Variants in ADAM12 observed in about 807,000 individuals in gnomAD.
ADAM12 encodes ADAM metallopeptidase domain 12, also known as disintegrin and metalloproteinase domain-containing protein 12.
ADAM12 carries 70 observed loss-of-function variants against 106.4 expected under a neutral mutation model. The ratio of observed to expected loss-of-function variants is 0.66; its 90% confidence interval spans 0.54 to 0.80. The LOEUF (loss-of-function observed/expected upper bound fraction) is 0.80, where lower values mean the gene tolerates loss of function less well. ADAM12 is among the 30% of genes least tolerant of loss of function. The pLI is 0.00. For synonymous variants in ADAM12, 420 were observed against 433.5 expected (o/e 0.97, Z 0.39); for missense variants, 1,010 against 1,171.9 (o/e 0.86, Z 2.02).
chr10:126,089,857 C>T (rs533601427), intron 11 of ADAM12, among the ~76,000 whole-genome samples: 6 of 152,172 alleles, frequency 3.9e-5, no homozygotes, highest in Non-Finnish European at 7.4e-5. Flanking sequence ...CCCAAACCCC[C>T]ACTTAAAGTG....
chr10:126,238,201 C>A (rs1047593922), intron 3 of ADAM12, among the ~76,000 whole-genome samples: 2 of 152,278 alleles, frequency 1.3e-5, no homozygotes, highest in East Asian at 3.9e-4. Flanking sequence ...AAATCCTGGC[C>A]GGGCAGGGTG....
At chr10:126,283,909 T>C (rs745828140) in intron 2 of ADAM12, among the ~76,000 whole-genome samples, 1 of 152,218 alleles carries the variant, frequency 6.6e-6, no homozygotes, top group Non-Finnish European at 1.5e-5. Flanking sequence ...CTTCTAAATG[T>C]TTCATAATTT....
At chr10:126,247,096 G>T (rs1212613458) in intron 3 of ADAM12, among the ~76,000 whole-genome samples, 1 of 152,128 alleles carries the variant, frequency 6.6e-6, no homozygotes, top group African/African-American at 2.4e-5. Flanking sequence ...ATTACTTCTT[G>T]TTGGAAAATA....
intron 16 of ADAM12, among the ~76,000 whole-genome samples, chr10:126,046,801 CAAAAAAAA>C (rs60056450): frequency 9.2e-4 from 46 of 49,904 alleles, no homozygotes; most frequent in Middle Eastern, 0.01. Flanking sequence ...GATTCCGTCT[CAAAAAAAA>C]AAAAAAAAAA....
chr10:126,221,389 CAAA>C (rs35766891), intron 3 of ADAM12, among the ~76,000 whole-genome samples: 230 of 100,670 alleles, frequency 2.3e-3, no homozygotes, highest in East Asian at 9.4e-3. Context: ...GACTCTGTCT[CAAA>C]AAAAAAAAAA....
chr10:126,120,464 G>A (rs888280390), intron 5 of ADAM12, among the ~76,000 whole-genome samples: 1 of 152,178 alleles, frequency 6.6e-6, no homozygotes, highest in Non-Finnish European at 1.5e-5. Context: ...GACAAAGTCT[G>A]TTGGGCCTGC....
intron 3 of ADAM12, among the ~76,000 whole-genome samples, chr10:126,251,873 T>G (rs1958776418): frequency 8.0e-6 from 1 of 124,502 alleles, no homozygotes; most frequent in African/African-American, 3.2e-5. Flanking sequence ...GATGGATGGA[T>G]GGGATGGATG....
At position 126,066,784 on chromosome 10, in the gene ADAM12, T is replaced by C. The variant is rs1954879489; in HGVS notation, c.1346A>G (p.Asn449Ser). The change falls in exon 13 of 23, where the codon AAT (asparagine) becomes AGT (serine). Residue 449 changes from asparagine to serine, a missense_variant. This residue lies in a region of ADAM12 where 615 missense variants were observed against 708.5 expected (regional missense o/e 0.87). Transcript: ENST00000448723. The surrounding 1 kb of genome is among the most constrained non-coding windows in gnomAD (Gnocchi z 5.1). ...EPEECMNRCC[N>S]ATTCTLKPDA... The stretch of plus-strand genomic sequence containing the variant: ...CGGCTTCAGGGTACAGGTGGTGGCA[T>C]TGCAGCAGCGATTCATACATTCCTG... 1 of 1,614,198 alleles carries C rather than the reference T, an allele frequency of 6.2e-7. No individual in the cohort carries two copies. Among genetic ancestry groups the C allele is most frequent in the Non-Finnish European group, 8.5e-7 (1 of 1,180,012 alleles).
In ADAM12 at chr10:126,108,215, G is replaced by A. The variant is rs77916084; in HGVS notation, c.741+378C>T. Reference sequence around the variant, plus strand: ...CCTGCAATGATGGGGACAGATTGAAGGGGCCTGTGGGATCCGTCATCGGGA... The same window carrying A: ...CCTGCAATGATGGGGACAGATTGAAAGGGCCTGTGGGATCCGTCATCGGGA... On this transcript the variant is annotated intron_variant, in intron 8 of 22. Transcript: ENST00000448723. 6.5e-3 allele frequency among the ~76,000 whole-genome samples: 983 copies of A among 152,334 alleles called. 19 individuals carry two copies. Among genetic ancestry groups the A allele is most frequent in the East Asian group, 0.064 (330 of 5,178 alleles).
chr10:126,239,149 T>G (rs1958474760), intron 3 of ADAM12, among the ~76,000 whole-genome samples: 1 of 152,226 alleles, frequency 6.6e-6, no homozygotes, highest in African/African-American at 2.4e-5. Flanking sequence ...AATGCCAGTG[T>G]TAAAGATTAG....
intron 18 of ADAM12, among the ~76,000 whole-genome samples, chr10:126,041,097 C>T (rs373867985): frequency 3.3e-5 from 5 of 152,206 alleles, no homozygotes; most frequent in African/African-American, 1.2e-4. Flanking sequence ...TGACAACCCC[C>T]TGCCGCTCTG....
At chr10:126,196,476 A>C (rs1205218970) in intron 3 of ADAM12, among the ~76,000 whole-genome samples, 2 of 152,178 alleles carry the variant, frequency 1.3e-5, no homozygotes, top group African/African-American at 4.8e-5. Context: ...CCATGGCTTT[A>C]ACTTTCTGAA....
chr10:126,240,429 T>G (rs1565160357), intron 3 of ADAM12, among the ~76,000 whole-genome samples: 1 of 152,196 alleles, frequency 6.6e-6, no homozygotes, highest in African/African-American at 2.4e-5. Flanking sequence ...TCAATGGCAT[T>G]AAGCATAGTG....
Position 126,014,936 on chromosome 10 carries a change from C to A in ADAM12, c.*2343G>T, listed in dbSNP as rs1245167383. ...CCGTGCCTCCCCCAACCACAAAACA[C>A]CCTGGTTATTGGTTCCTAAGTTATG... On this transcript the variant is annotated 3_prime_UTR_variant, in exon 23 of 23. Coordinates refer to ENST00000448723, the MANE Select transcript of ADAM12 (RefSeq NM_001288973.2). 3.3e-5 allele frequency: 5 copies of A among 152,052 alleles called. No individual in the cohort carries two copies. The highest frequency in any genetic ancestry group is 3.3e-4 in the Admixed American group (5 of 15,274). 9.4% of individuals were successfully genotyped at this position (152,052 alleles called of 1,614,324 possible). A position where few individuals can be genotyped will look rare whatever the true frequency, so the allele number is the denominator to read the frequency against.
intron 10 of ADAM12, among the ~76,000 whole-genome samples, chr10:126,095,446 A>G (rs1207489541): frequency 7.0e-6 from 1 of 143,840 alleles, no homozygotes; most frequent in Non-Finnish European, 1.5e-5. Context: ...AGGCAGGAGA[A>G]TGGCGTGAAC....
chr10:126,052,666 G>A (rs1359542449), intron 14 of ADAM12, among the ~76,000 whole-genome samples: 1 of 152,146 alleles, frequency 6.6e-6, no homozygotes, highest in Non-Finnish European at 1.5e-5. Context: ...AAGAGAGGAA[G>A]GGGGAGAGAG....
At chr10:126,037,129 C>CTTCT (rs1954074579) in intron 20 of ADAM12, among the ~76,000 whole-genome samples, 2 of 152,100 alleles carry the variant, frequency 1.3e-5, no homozygotes, top group African/African-American at 4.8e-5. Context: ...TCTGGCTTTT[C>CTTCT]TTCTTTTACT....
intron 2 of ADAM12, among the ~76,000 whole-genome samples, chr10:126,279,571 C>CA (rs944240221): frequency 2.6e-5 from 4 of 151,852 alleles, no homozygotes; most frequent in Admixed American, 2.6e-4. Context: ...ATTAAAAATA[C>CA]AAAAAATTAG....
intron 1 of ADAM12, among the ~76,000 whole-genome samples, chr10:126,375,539 T>A (rs1245287012): frequency 6.6e-6 from 1 of 152,078 alleles, no homozygotes; most frequent in African/African-American, 2.4e-5. Context: ...GAAATGCAAA[T>A]GTTAAAAATT....
Sources: gnomAD v4.1 joint callset for allele counts (sites outside exome capture counted in the v4.1 genomes callset) on GRCh38, gnomAD v4.1.1 for gene constraint, gnomAD v4.1.1 regional missense constraint, Gnocchi (gnomAD v3.1) non-coding constraint, MANE v1.5 for transcripts, NCBI Gene and HGNC (gene_info 2026-07-23, HGNC 2026-07-21) for gene names.